The following CCSER1 variants were observed in gnomAD, a reference collection of about 807,000 sequenced individuals.
CCSER1 encodes the protein coiled-coil serine rich protein 1.
A neutral mutation model predicts 82.0 loss-of-function variants in CCSER1; 41 were observed. The observed-to-expected ratio is 0.50, with a 90% CI of 0.39 to 0.65. The LOEUF (loss-of-function observed/expected upper bound fraction) is 0.65. Among genes scored for constraint, CCSER1 ranks in the 30% least tolerant of loss-of-function variants. The pLI, the probability that CCSER1 is intolerant of heterozygous loss-of-function variation, is 0.00. For missense variants in CCSER1, 1,119 were observed against 1,064.2 expected (o/e 1.05, Z -0.72); for synonymous variants, 414 against 383.9 (o/e 1.08, Z -0.92).
intron 7 of CCSER1, among the ~76,000 whole-genome samples, chr4:90,810,593 C>T (rs996879390): frequency 4.0e-5 from 6 of 151,612 alleles, no homozygotes; most frequent in East Asian, 2.0e-4. Context: ...TGCGGTGAGC[C>T]GAGATTGTGC....
intron 10 of CCSER1, among the ~76,000 whole-genome samples, chr4:91,287,559 G>T (rs1350125193): frequency 6.6e-6 from 1 of 151,940 alleles, no homozygotes; most frequent in East Asian, 1.9e-4. Flanking sequence ...TATATCTTCA[G>T]ATAATCTGTC....
At chr4:90,223,412 G>A (rs1742540864) in intron 1 of CCSER1, among the ~76,000 whole-genome samples, 1 of 152,018 alleles carries the variant, frequency 6.6e-6, no homozygotes, top group Non-Finnish European at 1.5e-5. Flanking sequence ...ATTGATGGAG[G>A]GACCAGAGAC....
At chr4:91,401,597 G>T (rs1213991022) in intron 10 of CCSER1, among the ~76,000 whole-genome samples, 6 of 151,752 alleles carry the variant, frequency 4.0e-5, no homozygotes, top group Non-Finnish European at 8.8e-5. Flanking sequence ...CCCACCATGT[G>T]TCCAAGTGTT....
intron 5 of CCSER1, among the ~76,000 whole-genome samples, chr4:90,485,568 A>C (rs1766904374): frequency 7.1e-6 from 1 of 140,142 alleles, no homozygotes; most frequent in African/African-American, 2.6e-5. Flanking sequence ...GTACATGTGC[A>C]GTTTTGTTAT....
intron 7 of CCSER1, among the ~76,000 whole-genome samples, chr4:90,786,402 AT>A (rs1303878449): frequency 6.6e-6 from 1 of 152,232 alleles, no homozygotes; most frequent in African/African-American, 2.4e-5. Flanking sequence ...AATAGGTTAT[AT>A]GATTACTAAA....
intron 10 of CCSER1, among the ~76,000 whole-genome samples, chr4:91,529,819 G>T (rs1178213694): frequency 6.6e-6 from 1 of 152,024 alleles, no homozygotes; most frequent in African/African-American, 2.4e-5. Flanking sequence ...TCTGAAAAAT[G>T]TTCTGATCAT....
intron 9 of CCSER1, among the ~76,000 whole-genome samples, chr4:90,932,828 C>CAAAA (rs70965459): frequency 4.0e-5 from 1 of 25,184 alleles, no homozygotes; most frequent in Non-Finnish European, 7.0e-5. Context: ...ACTCCGTCTC[C>CAAAA]AAAAAAAAAA....
At chr4:90,325,017 T>G (rs1021550392) in intron 3 of CCSER1, among the ~76,000 whole-genome samples, 1 of 152,222 alleles carries the variant, frequency 6.6e-6, no homozygotes, top group Non-Finnish European at 1.5e-5. Context: ...TCTGTTCTAT[T>G]CCATTGATCT....
intron 1 of CCSER1, among the ~76,000 whole-genome samples, chr4:90,296,035 C>T (rs1210106224): frequency 6.6e-6 from 1 of 151,920 alleles, no homozygotes; most frequent in African/African-American, 2.4e-5. Context: ...TACTAATAAA[C>T]ATATATTTTA....
In CCSER1 at chr4:91,366,817, T is replaced by A. The variant is rs970571531; in HGVS notation, c.2218-231755T>A. Reference sequence around the variant, plus strand: ...ACTTTGTAATAATGCAGTTTCACTATACATCATCAACACCACAATAAGCAA... The same window carrying A: ...ACTTTGTAATAATGCAGTTTCACTAAACATCATCAACACCACAATAAGCAA... On this transcript the variant is annotated intron_variant, in intron 10 of 10. Transcript: ENST00000509176. 4.6e-5 allele frequency among the ~76,000 whole-genome samples: 7 copies of A among 152,342 alleles called. 1 individual carries two copies. The highest frequency in any genetic ancestry group is 4.6e-4 in the Admixed American group (7 of 15,298).
chr4:91,263,926 A>G (rs1489793937), intron 10 of CCSER1, among the ~76,000 whole-genome samples: 2 of 151,998 alleles, frequency 1.3e-5, no homozygotes, highest in Non-Finnish European at 2.9e-5. Flanking sequence ...TGTCAAAATA[A>G]AAAGACAACT....
Position 90,558,453 on chromosome 4 carries a change from C to T in CCSER1, c.1725-69572C>T, listed in dbSNP as rs1778374210. The stretch of plus-strand genomic sequence containing the variant: ...TCCAGTAAATCGCCTCACTTTTGGT[C>T]TCATCTGCTTGCTACCTAACCTATA... On this transcript the variant is annotated intron_variant, in intron 5 of 10. Transcript: ENST00000509176. Among the ~76,000 whole-genome samples, 2 of 152,080 alleles carry T rather than the reference C, an allele frequency of 1.3e-5. 1 individual carries two copies. Among genetic ancestry groups the T allele is most frequent in the South Asian group, 4.1e-4 (2 of 4,822 alleles).
chr4:91,464,696 C>T (rs185339620), intron 10 of CCSER1, among the ~76,000 whole-genome samples: 23 of 151,974 alleles, frequency 1.5e-4, no homozygotes. Flanking sequence ...AATGGCAGGA[C>T]TTGCAATCCT....
At chr4:91,425,964 G>A (rs964833533) in intron 10 of CCSER1, among the ~76,000 whole-genome samples, 6 of 152,082 alleles carry the variant, frequency 3.9e-5, no homozygotes, top group East Asian at 1.9e-4. Flanking sequence ...AGGTATACAC[G>A]TGCCATGGTG....
At chr4:90,518,991 G>C (rs964760488) in intron 5 of CCSER1, among the ~76,000 whole-genome samples, 4 of 151,736 alleles carry the variant, frequency 2.6e-5, no homozygotes, top group African/African-American at 9.7e-5. Context: ...ACTTAACATA[G>C]GATGATAAGT....
chr4:90,717,227 T>C lies in CCSER1; in HGVS notation c.1933-6687T>C, dbSNP rs528865739. 9.9e-5 allele frequency among the ~76,000 whole-genome samples: 15 copies of C among 152,224 alleles called. No individual in the cohort carries two copies. In the South Asian group the frequency reaches 2.7e-3, roughly 27 times the overall value. ...TATTTTAAGGGTTTTGGACCAGCAG[T>C]ATTCAAAGCAAATGGATTGAAAGTT... On this transcript the variant is annotated intron_variant, in intron 6 of 10. Coordinates refer to ENST00000509176, the MANE Select transcript of CCSER1 (RefSeq NM_001145065.2).
chr4:91,483,454 G>C (rs1409565857), intron 10 of CCSER1, among the ~76,000 whole-genome samples: 1 of 150,644 alleles, frequency 6.6e-6, no homozygotes, highest in African/African-American at 2.4e-5. Flanking sequence ...TTTTTTTTTG[G>C]AGATGGAGTC....
chr4:91,154,981 T>C (rs533446882), intron 10 of CCSER1, among the ~76,000 whole-genome samples: 1 of 151,946 alleles, frequency 6.6e-6, no homozygotes, highest in South Asian at 2.1e-4. Context: ...TCTCAAGCAA[T>C]TTTCTTCCAA....
In CCSER1 at chr4:91,444,528, C is replaced by T. The variant is rs142942675; in HGVS notation, c.2218-154044C>T. ...GCAATGGCACCATCTCGGCTCACTG[C>T]AACTTCCACCTCCTGGGTTCAAGCG... On this transcript the variant is annotated intron_variant, in intron 10 of 10. Transcript: ENST00000509176. 6.4e-3 allele frequency among the ~76,000 whole-genome samples: 979 copies of T among 152,144 alleles called. 4 individuals are homozygous for T. Among genetic ancestry groups the T allele is most frequent in the Middle Eastern group, 0.02 (6 of 294 alleles).
Sources: allele counts gnomAD v4.1 joint callset (sites outside exome capture counted in the v4.1 genomes callset), GRCh38; gene constraint gnomAD v4.1.1; transcripts MANE v1.5; gene names NCBI Gene and HGNC (gene_info 2026-07-23, HGNC 2026-07-21).